MYO1E: variants seen among roughly 807,000 people sequenced by gnomAD.
MYO1E encodes unconventional myosin-Ie.
MYO1E carries 68 observed loss-of-function variants against 151.1 expected under a neutral mutation model. The observed-to-expected ratio is 0.45, with a 90% confidence interval of 0.37 to 0.55. The LOEUF is 0.55. Among genes scored for constraint, MYO1E ranks in the 20% least tolerant of loss-of-function variants. MYO1E has a pLI of 0.00. For synonymous variants in MYO1E, 601 were observed against 501.7 expected (o/e 1.20, Z -2.64); for missense variants, 1,363 against 1,389.3 (o/e 0.98, Z 0.30).
intron 17 of MYO1E, among the ~76,000 whole-genome samples, chr15:59,192,314 GAA>G (rs1471404389): frequency 6.7e-6 from 1 of 148,856 alleles, no homozygotes; most frequent in Non-Finnish European, 1.5e-5. Flanking sequence ...AAAAAAAAAA[GAA>G]AAGAGAAAAT....
intron 26 of MYO1E, 70 bp from the exon 27 acceptor site, chr15:59,138,437 G>A: frequency 6.4e-7 from 1 of 1,564,024 alleles, no homozygotes; most frequent in South Asian, 1.1e-5. Context: ...GTGGTTTGGA[G>A]CATGGCGGCC....
chr15:59,263,298 T>G (rs1435255303), intron 2 of MYO1E, among the ~76,000 whole-genome samples: 1 of 152,236 alleles, frequency 6.6e-6, no homozygotes, highest in Admixed American at 6.5e-5. Flanking sequence ...CCTGATAGTC[T>G]CATTTTACTT....
chr15:59,291,698 AAAAAAAAAAAAAAAG>A (rs1343802921), intron 1 of MYO1E, among the ~76,000 whole-genome samples: 21 of 144,986 alleles, frequency 1.4e-4, no homozygotes, highest in Admixed American at 5.6e-4. Context: ...AAAAAAAAAA[AAAAAAAAAAAAAAAG>A]AGAGAGAGAG....
intron 22 of MYO1E, among the ~76,000 whole-genome samples, chr15:59,170,581 G>C (rs2079587109): frequency 6.6e-6 from 1 of 150,524 alleles, no homozygotes. Flanking sequence ...TCAGCGCCTA[G>C]AGCTTTAAAA....
chr15:59,207,488 T>G (rs776625849), intron 14 of MYO1E: 3 of 1,614,048 alleles, frequency 1.9e-6, no homozygotes, highest in Non-Finnish European at 2.5e-6. Flanking sequence ...TGCAAACTGA[T>G]TATTGTTTCC....
At position 59,197,172 on chromosome 15, in the gene MYO1E, T is replaced by C. The variant is rs1048116636; in HGVS notation, c.1699-1605A>G. Among the ~76,000 whole-genome samples the C allele has an allele frequency of 3.9e-5, 6 of 152,010 alleles. No homozygotes were observed. In the East Asian group the frequency reaches 1.2e-3, roughly 29 times the overall value. ...CAGGCCCAACTAATTTTTGTAATTA[T>C]AGTAGAGATGGGGTTTCACCATGTT... is the stretch of plus-strand genomic sequence containing the variant. On this transcript the variant is annotated intron_variant, in intron 16 of 27. Transcript: ENST00000288235.
chr15:59,234,363 C>T (rs1206744135), intron 5 of MYO1E, among the ~76,000 whole-genome samples: 1 of 152,162 alleles, frequency 6.6e-6, no homozygotes, highest in Non-Finnish European at 1.5e-5. Context: ...AGAGAAGATT[C>T]TGTCCTTTGT....
intron 1 of MYO1E, among the ~76,000 whole-genome samples, chr15:59,363,428 T>C (rs572545293): frequency 6.6e-6 from 1 of 152,358 alleles, no homozygotes; most frequent in Non-Finnish European, 1.5e-5. Context: ...CTGGTATTAC[T>C]GAATAAAATC....
intron 1 of MYO1E, among the ~76,000 whole-genome samples, chr15:59,307,945 G>A (rs569181738): frequency 4.8e-4 from 72 of 150,572 alleles, no homozygotes; most frequent in South Asian, 2.1e-4. Flanking sequence ...GGGCTGGCGC[G>A]GTGGCTCACG....
intron 10 of MYO1E, among the ~76,000 whole-genome samples, chr15:59,217,217 G>A (rs1596370506): frequency 6.6e-6 from 1 of 152,320 alleles, no homozygotes; most frequent in African/African-American, 2.4e-5. Flanking sequence ...CAAGCCGCTA[G>A]GTTTTGGGTT....
At chr15:59,175,442 A>C (rs181701557) in intron 19 of MYO1E, among the ~76,000 whole-genome samples, 223 of 152,236 alleles carry the variant, frequency 1.5e-3, no homozygotes, top group African/African-American at 5.0e-3. Flanking sequence ...TGCTTGGGAG[A>C]CAGACCTATC....
At position 59,160,470 on chromosome 15, in the gene MYO1E, A is replaced by G. The variant is rs559493291; in HGVS notation, c.2785+603T>C. ...GGCTGGGGTGCAGTGGCACCCCAGT[A>G]AAGATCATGATTTACTGCAGCCTTG... On this transcript the variant is annotated intron_variant, in intron 24 of 27. Coordinates refer to ENST00000288235, the MANE Select transcript of MYO1E (RefSeq NM_004998.4). Among the ~76,000 whole-genome samples the G allele has an allele frequency of 5.5e-4, 83 of 151,324 alleles. 1 individual carries two copies. The highest frequency in any genetic ancestry group is 5.0e-4 in the Non-Finnish European group (34 of 67,802).
At chr15:59,183,635 A>G (rs2079678192) in intron 18 of MYO1E, among the ~76,000 whole-genome samples, 1 of 152,204 alleles carries the variant, frequency 6.6e-6, no homozygotes, top group African/African-American at 2.4e-5. Flanking sequence ...ACATCATGGA[A>G]AATGGGGTGT....
chr15:59,179,183 A>T (rs1435574888), intron 18 of MYO1E, among the ~76,000 whole-genome samples: 1 of 151,916 alleles, frequency 6.6e-6, no homozygotes, highest in Non-Finnish European at 1.5e-5. Context: ...CTGCTCCCCA[A>T]ACTCATCACT....
chr15:59,202,646 T>C (rs1216197706), intron 15 of MYO1E, among the ~76,000 whole-genome samples: 1 of 152,144 alleles, frequency 6.6e-6, no homozygotes, highest in African/African-American at 2.4e-5. Flanking sequence ...GACTGCAAAA[T>C]AAATTTTAAA....
intron 1 of MYO1E, among the ~76,000 whole-genome samples, chr15:59,291,325 C>T (rs1245326073): frequency 6.6e-6 from 1 of 152,082 alleles, no homozygotes; most frequent in Admixed American, 6.6e-5. Context: ...ACCTCCTAAT[C>T]AAATAACCAA....
chr15:59,189,451 G>A (rs969124175), intron 17 of MYO1E, among the ~76,000 whole-genome samples: 4 of 149,220 alleles, frequency 2.7e-5, no homozygotes, highest in African/African-American at 7.4e-5. Flanking sequence ...ACAGAGTCTC[G>A]CTTTGTCATC....
intron 1 of MYO1E, among the ~76,000 whole-genome samples, chr15:59,321,340 G>A (rs1050494733): frequency 9.9e-5 from 15 of 152,122 alleles, no homozygotes; most frequent in African/African-American, 1.7e-4. Flanking sequence ...GGTATACATC[G>A]AAAAGAAAAT....
At chr15:59,139,560 A>C in intron 26 of MYO1E, among the ~76,000 whole-genome samples, 2 of 125,268 alleles carry the variant, frequency 1.6e-5, no homozygotes, top group Admixed American at 8.5e-5. Flanking sequence ...CTTCCGTCTC[A>C]CCTTCTCATT....
Sources: gnomAD v4.1 joint callset for allele counts (sites outside exome capture counted in the v4.1 genomes callset) on GRCh38, gnomAD v4.1.1 for gene constraint, MANE v1.5 for transcripts, NCBI Gene and HGNC (gene_info 2026-07-23, HGNC 2026-07-21) for gene names.